Variants in FRMD4A observed in about 807,000 individuals in gnomAD.
The protein encoded by FRMD4A is FERM domain containing 4A, also known as FERM domain-containing protein 4A.
A neutral mutation model predicts 129.1 loss-of-function variants in FRMD4A; 29 were observed. That is an observed-to-expected ratio of 0.22 (90% CI 0.17 to 0.31). The LOEUF (loss-of-function observed/expected upper bound fraction) is 0.31. Among genes scored for constraint, FRMD4A ranks in the 10% least tolerant of loss-of-function variants. The pLI, the probability that FRMD4A is intolerant of heterozygous loss-of-function variation, is 1.00. For synonymous variants in FRMD4A, 634 were observed against 571.6 expected (o/e 1.11, Z -1.56); for missense variants, 1,272 against 1,375.8 (o/e 0.92, Z 1.19).
intron 5 of FRMD4A, among the ~76,000 whole-genome samples, chr10:13,789,594 C>T (rs977437648): frequency 3.3e-5 from 3 of 90,786 alleles, no homozygotes; most frequent in South Asian, 3.5e-4. Flanking sequence ...ACACACATGA[C>T]GCAGACTTCC....
chr10:14,040,209 A>T (rs777832542), intron 2 of FRMD4A, among the ~76,000 whole-genome samples: 10 of 152,130 alleles, frequency 6.6e-5, no homozygotes, highest in Non-Finnish European at 1.2e-4. Flanking sequence ...GGTCAGTGAT[A>T]ATCACTGCTA....
chr10:13,657,167 C>G lies in FRMD4A; in HGVS notation c.2422G>C (p.Gly808Arg). Reference sequence around the variant, plus strand: ...GCGCCCCCCGCGCCCCCCGCACCCCCGCGCGCCGCCAGGTTGGGCATGCTG... The same window carrying G: ...GCGCCCCCCGCGCCCCCCGCACCCCGGCGCGCCGCCAGGTTGGGCATGCTG... Reference protein sequence around the residue: ...SGSMPNLAARGGAGGAGGAGG... With the variant: ...SGSMPNLAARRGAGGAGGAGG... The change falls in exon 22 of 25, where the codon GGG becomes CGG. Residue 808 changes from glycine to arginine, a missense_variant. Transcript: ENST00000357447. The G allele has an allele frequency of 1.3e-6, 2 of 1,493,746 alleles. No individual in the cohort carries two copies. Among genetic ancestry groups the G allele is most frequent in the Non-Finnish European group, 1.8e-6 (2 of 1,127,580 alleles). The allele number at this position is 1,493,746 out of a possible 1,614,324, so 92.5% of individuals were successfully genotyped here.
intron 12 of FRMD4A, among the ~76,000 whole-genome samples, chr10:13,725,397 C>T (rs1215173875): frequency 6.6e-6 from 1 of 152,212 alleles, no homozygotes; most frequent in Non-Finnish European, 1.5e-5. Flanking sequence ...GAGGTGCCTC[C>T]AAGCTTGTCA....
intron 2 of FRMD4A, among the ~76,000 whole-genome samples, chr10:14,122,920 G>A (rs1022028671): frequency 1.3e-5 from 2 of 152,130 alleles, no homozygotes; most frequent in Non-Finnish European, 2.9e-5. Flanking sequence ...GGAACATTCA[G>A]TATCTTCCTT....
intron 2 of FRMD4A, chr10:14,083,470 G>A (rs1836053604): frequency 6.6e-6 from 1 of 152,462 alleles, no homozygotes. Context: ...GAGGGAGGGT[G>A]GAGTGTGATG....
Position 13,674,978 on chromosome 10 carries a change from T to A in FRMD4A, c.1184A>T (p.Gln395Leu). 6.2e-7 allele frequency: 1 copy of A among 1,613,792 alleles called. No homozygotes were observed. The highest frequency in any genetic ancestry group is 8.5e-7 in the Non-Finnish European group (1 of 1,179,664). ...KDMLAALKSR[Q>L]EALEETLRQR... ...ACGCAGGGTTTCCTCCAGAGCTTCCTGCCTGGACTTCAAGGCAGCCAGCAT... is the reference window on the plus strand; with the variant it reads ...ACGCAGGGTTTCCTCCAGAGCTTCCAGCCTGGACTTCAAGGCAGCCAGCAT... The change falls in exon 16 of 25, where the codon CAG becomes CTG. Residue 395 changes from glutamine to leucine, a missense_variant. Transcript: ENST00000357447.
intron 2 of FRMD4A, among the ~76,000 whole-genome samples, chr10:14,134,579 G>A (rs1294911428): frequency 2.7e-5 from 4 of 150,754 alleles, no homozygotes; most frequent in African/African-American, 9.8e-5. Flanking sequence ...TGGGTAGGTG[G>A]GTAGATGGAT....
At chr10:14,309,691 C>G (rs1174429987) in intron 2 of FRMD4A, among the ~76,000 whole-genome samples, 2 of 152,088 alleles carry the variant, frequency 1.3e-5, no homozygotes, top group Non-Finnish European at 2.9e-5. Flanking sequence ...CCATATCTAA[C>G]AGTGGGTCCA....
chr10:14,257,726 G>A (rs1041426017), intron 2 of FRMD4A, among the ~76,000 whole-genome samples: 1 of 152,340 alleles, frequency 6.6e-6, no homozygotes, highest in African/African-American at 2.4e-5. Context: ...TTGGAGTGAT[G>A]TGCCTGCAAG....
chr10:13,670,289 G>A (rs547256997), intron 17 of FRMD4A, 117 bp downstream of exon 17: 71 of 1,058,574 alleles, frequency 6.7e-5, no homozygotes, highest in Middle Eastern at 4.3e-4. Context: ...AGGTATGAGC[G>A]AAAATACTGG....
intron 13 of FRMD4A, among the ~76,000 whole-genome samples, chr10:13,701,777 C>T (rs536287398): frequency 9.2e-5 from 14 of 152,268 alleles, no homozygotes; most frequent in African/African-American, 3.4e-4. Flanking sequence ...GGTCCTTTTT[C>T]GATCCTGGAC....
intron 3 of FRMD4A, among the ~76,000 whole-genome samples, chr10:13,857,832 G>C (rs2094234872): frequency 6.6e-6 from 1 of 152,098 alleles, no homozygotes; most frequent in African/African-American, 2.4e-5. Context: ...CAACAGATCT[G>C]GAATGGTAAA....
chr10:13,801,594 T>A (rs2093256051), intron 4 of FRMD4A, among the ~76,000 whole-genome samples: 1 of 152,218 alleles, frequency 6.6e-6, no homozygotes, highest in Non-Finnish European at 1.5e-5. Flanking sequence ...GACATGTGAC[T>A]TATCCAAGAC....
intron 2 of FRMD4A, among the ~76,000 whole-genome samples, chr10:14,071,732 G>T (rs1394103980): frequency 6.6e-6 from 1 of 152,100 alleles, no homozygotes; most frequent in Non-Finnish European, 1.5e-5. Flanking sequence ...TGCTGATGGG[G>T]CAGAGAGGAC....
intron 11 of FRMD4A, among the ~76,000 whole-genome samples, chr10:13,739,580 C>A (rs1205643545): frequency 1.3e-5 from 2 of 152,196 alleles, no homozygotes; most frequent in Non-Finnish European, 2.9e-5. Context: ...TGATCTTTAC[C>A]AAACTGAAAT....
At chr10:14,305,362 G>T in intron 2 of FRMD4A, among the ~76,000 whole-genome samples, 1 of 152,034 alleles carries the variant, frequency 6.6e-6, no homozygotes, top group South Asian at 2.1e-4. Context: ...TGAAATTGCT[G>T]AACAAAAAAA....
At chr10:13,816,608 A>T (rs1004475568) in intron 3 of FRMD4A, among the ~76,000 whole-genome samples, 2 of 152,200 alleles carry the variant, frequency 1.3e-5, no homozygotes, top group Non-Finnish European at 2.9e-5. Context: ...TGTGACAGTG[A>T]TTAATATACT....
At chr10:14,088,977 G>T (rs1836473495) in intron 2 of FRMD4A, among the ~76,000 whole-genome samples, 2 of 151,908 alleles carry the variant, frequency 1.3e-5, no homozygotes, top group African/African-American at 4.8e-5. Flanking sequence ...TTCTCCAGCT[G>T]CCTGTAATAA....
At chr10:13,677,100 T>C (rs925974326) in intron 15 of FRMD4A, among the ~76,000 whole-genome samples, 1 of 152,216 alleles carries the variant, frequency 6.6e-6, no homozygotes, top group African/African-American at 2.4e-5. Flanking sequence ...ACTATTCTTC[T>C]ATTTAACGTC....
Sources: gnomAD v4.1 joint callset for allele counts (sites outside exome capture counted in the v4.1 genomes callset) on GRCh38, gnomAD v4.1.1 for gene constraint, MANE v1.5 for transcripts, NCBI Gene and HGNC (gene_info 2026-07-23, HGNC 2026-07-21) for gene names.